Variants in CAB39 observed in about 807,000 individuals in gnomAD.
The protein encoded by CAB39 is calcium-binding protein 39.
A neutral mutation model predicts 40.0 loss-of-function variants in CAB39; 8 were observed. The ratio of observed to expected loss-of-function variants is 0.20; its 90% CI spans 0.12 to 0.36. The LOEUF is 0.36. Among genes scored for constraint, CAB39 ranks in the 10% least tolerant of loss-of-function variants. The probability of loss-of-function intolerance (pLI) is 1.00; values close to 1 mark genes in which losing one functional copy is unlikely to be tolerated. For synonymous variants in CAB39, 156 were observed against 141.6 expected (o/e 1.10, Z -0.72); for missense variants, 270 against 401.1 (o/e 0.67, Z 2.79).
intron 1 of CAB39, among the ~76,000 whole-genome samples, chr2:230,728,638 C>T (rs1694630660): frequency 1.3e-5 from 2 of 152,168 alleles, no homozygotes; most frequent in African/African-American, 2.4e-5. Context: ...GAGACAGGGT[C>T]TTGCTTTATC....
chr2:230,776,788 T>C (rs992836221), intron 2 of CAB39, among the ~76,000 whole-genome samples: 3 of 151,972 alleles, frequency 2.0e-5, no homozygotes, highest in African/African-American at 7.3e-5. Context: ...CCTCCTGGGT[T>C]CATGCCATTC....
At chr2:230,773,308 A>ATGTGTG (rs1361313789) in intron 2 of CAB39, among the ~76,000 whole-genome samples, 43 of 88,310 alleles carry the variant, frequency 4.9e-4, no homozygotes, top group African/African-American at 2.4e-3. Context: ...GTATATATAT[A>ATGTGTG]TATATATGTG....
intron 2 of CAB39, among the ~76,000 whole-genome samples, chr2:230,772,198 A>G (rs1307476872): frequency 6.6e-6 from 1 of 152,266 alleles, no homozygotes; most frequent in Non-Finnish European, 1.5e-5. Context: ...TAGAATATAT[A>G]AAGAATTCTC....
At chr2:230,737,200 A>C (rs1215241668) in intron 1 of CAB39, among the ~76,000 whole-genome samples, 1 of 152,162 alleles carries the variant, frequency 6.6e-6, no homozygotes, top group Admixed American at 6.5e-5. Flanking sequence ...AATATGTAAA[A>C]CTGATAAGAG....
intron 8 of CAB39, chr2:230,818,182 G>A: frequency 2.2e-6 from 1 of 458,322 alleles, no homozygotes; most frequent in Non-Finnish European, 3.8e-6. Flanking sequence ...AATGCTTTCT[G>A]TGGAGGTTTC....
rs1408052300 is a variant in CAB39, at chr2:230,782,809, C to CTTT, written c.115-8062_115-8060dup. Among the ~76,000 whole-genome samples, 67 of 112,424 alleles carry CTTT rather than the reference C, an allele frequency of 6.0e-4. 4 individuals are homozygous for CTTT. Among genetic ancestry groups the CTTT allele is most frequent in the African/African-American group, 2.4e-3 (50 of 21,038 alleles). 73.8% of individuals were successfully genotyped at this position (112,424 alleles called of 152,430 possible). ...CTGCTGTTTCTTTCTTTCTTTCTTTCTTTCTTTTTTTTTTTTTTTTTTTGA... is the reference window on the plus strand; with the variant it reads ...CTGCTGTTTCTTTCTTTCTTTCTTTCTTTTTTCTTTTTTTTTTTTTTTTTTTGA... On this transcript the variant is annotated intron_variant, in intron 2 of 8. Transcript: ENST00000258418.
chr2:230,717,385 G>A (rs1447378388), intron 1 of CAB39, among the ~76,000 whole-genome samples: 1 of 152,166 alleles, frequency 6.6e-6, no homozygotes, highest in Non-Finnish European at 1.5e-5. Context: ...ATTGAGCTGT[G>A]TGAGAGTTCG....
intron 1 of CAB39, among the ~76,000 whole-genome samples, chr2:230,747,370 A>G (rs1429832943): frequency 6.6e-6 from 1 of 152,268 alleles, no homozygotes; most frequent in African/African-American, 2.4e-5. Context: ...GAGGAGCACT[A>G]TGAACCACTT....
At chr2:230,788,938 A>G (rs899651832) in intron 2 of CAB39, among the ~76,000 whole-genome samples, 17 of 152,288 alleles carry the variant, frequency 1.1e-4, no homozygotes, top group South Asian at 8.3e-4. Flanking sequence ...TACAATTTTT[A>G]TTAAATTTGG....
chr2:230,740,318 G>A (rs528136337), intron 1 of CAB39, among the ~76,000 whole-genome samples: 1 of 152,320 alleles, frequency 6.6e-6, no homozygotes, highest in South Asian at 2.1e-4. Context: ...TTGCTAATCA[G>A]ATTTGTAGTT....
chr2:230,715,749 C>CT (rs2124843483), intron 1 of CAB39, among the ~76,000 whole-genome samples: 1 of 152,336 alleles, frequency 6.6e-6, no homozygotes, highest in African/African-American at 2.4e-5. Flanking sequence ...GTCGCTCAGG[C>CT]CGGAGTGCAG....
intron 1 of CAB39, among the ~76,000 whole-genome samples, chr2:230,740,632 A>G (rs1417214642): frequency 2.0e-5 from 3 of 152,192 alleles, no homozygotes; most frequent in African/African-American, 7.2e-5. Context: ...TTAGGTTCTC[A>G]TAAGGAGTGG....
chr2:230,726,148 T>G (rs1433792436), intron 1 of CAB39, among the ~76,000 whole-genome samples: 2 of 152,192 alleles, frequency 1.3e-5, no homozygotes, highest in Non-Finnish European at 2.9e-5. Flanking sequence ...CATTTTGATG[T>G]TTTTGCTTTT....
chr2:230,784,867 G>A (rs775065051), intron 2 of CAB39, among the ~76,000 whole-genome samples: 1 of 152,226 alleles, frequency 6.6e-6, no homozygotes, highest in Non-Finnish European at 1.5e-5. Context: ...TTTATAACCT[G>A]ACGTGTTTAC....
At chr2:230,811,083 G>A (rs1293102986) in intron 6 of CAB39, among the ~76,000 whole-genome samples, 2 of 152,164 alleles carry the variant, frequency 1.3e-5, no homozygotes, top group African/African-American at 4.8e-5. Flanking sequence ...ACTACACATC[G>A]TCGAAGATTC....
intron 2 of CAB39, among the ~76,000 whole-genome samples, chr2:230,779,816 G>A (rs1449373242): frequency 6.6e-6 from 1 of 152,248 alleles, no homozygotes; most frequent in African/African-American, 2.4e-5. Flanking sequence ...CAGAGGAGGA[G>A]AGAGTCATGG....
At chr2:230,780,489 C>A (rs1456758993) in intron 2 of CAB39, among the ~76,000 whole-genome samples, 1 of 152,192 alleles carries the variant, frequency 6.6e-6, no homozygotes, top group Admixed American at 6.5e-5. Flanking sequence ...CTCCCTAGGT[C>A]TCCTTTAATC....
At chr2:230,766,151 A>G (rs1695382011) in intron 2 of CAB39, among the ~76,000 whole-genome samples, 1 of 152,198 alleles carries the variant, frequency 6.6e-6, no homozygotes, top group South Asian at 2.1e-4. Context: ...CTAATTGAAA[A>G]CAGTGAAAAA....
In CAB39 at chr2:230,712,869, G is replaced by A. The variant is rs950288756; in HGVS notation, c.-405G>A. The A allele has an allele frequency of 9.9e-5, 15 of 152,134 alleles. No individual in the cohort carries two copies. The highest frequency in any genetic ancestry group is 3.4e-4 in the African/African-American group (14 of 41,538). The allele number at this position is 152,134 out of a possible 1,614,324, so 9.4% of individuals were successfully genotyped here. A position where few individuals can be genotyped will look rare whatever the true frequency, so the allele number is the denominator to read the frequency against. On this transcript the variant is annotated 5_prime_UTR_variant, in exon 1 of 9. Transcript: ENST00000258418. ...AGTGCGCACGTCAAAGCCGGGCTCG[G>A]GCCGCAAGCGGGGCGAGGGGTTCGG...
Sources: gnomAD v4.1 joint callset for allele counts (sites outside exome capture counted in the v4.1 genomes callset) on GRCh38, gnomAD v4.1.1 for gene constraint, MANE v1.5 for transcripts, NCBI Gene and HGNC (gene_info 2026-07-23, HGNC 2026-07-21) for gene names.